ARL3: variants seen among roughly 807,000 people sequenced by gnomAD.
ARL3 encodes ADP-ribosylation factor-like protein 3.
ARL3 carries 9 observed loss-of-function variants against 26.0 expected under a neutral mutation model. The observed-to-expected ratio is 0.35, with a 90% CI of 0.21 to 0.60. The LOEUF is 0.60. Among genes scored for constraint, ARL3 ranks in the 20% least tolerant of loss-of-function variants. ARL3 has a pLI of 0.78. For synonymous variants in ARL3, 71 were observed against 78.4 expected (o/e 0.91, Z 0.50); for missense variants, 158 against 215.7 (o/e 0.73, Z 1.67).
rs1159431863 is a variant in ARL3, at chr10:102,699,473, C to T, written c.164G>A (p.Ser55Asn). ...ITPTQGFNIK[S>N]VQSQGFKLNV... ...CAGTTTAAAACCTTGTGATTGTACA[C>T]TTTTGATGTTGAAACCCTGAAACAG... Residue 55 changes from serine to asparagine, a missense_variant, in exon 3 of 6, where the codon AGT (serine) becomes AAT (asparagine). By Grantham distance (46) the Ser-to-Asn change is conservative. Coordinates refer to ENST00000260746, the MANE Select transcript of ARL3 (RefSeq NM_004311.4). 12 of 1,606,282 alleles carry T rather than the reference C, an allele frequency of 7.5e-6. No individual in the cohort carries two copies. The Admixed American group carries it at 1.7e-4, about 23-fold the overall frequency.
intron 1 of ARL3, among the ~76,000 whole-genome samples, chr10:102,710,847 C>T (rs1368599416): frequency 2.0e-5 from 3 of 152,308 alleles, no homozygotes; most frequent in Admixed American, 6.5e-5. Flanking sequence ...GGACTACAGA[C>T]GTTTTATCTG....
chr10:102,689,864 G>GA (rs1337814806), intron 4 of ARL3, 29 bp downstream of exon 4: 6 of 1,435,570 alleles, frequency 4.2e-6, no homozygotes, highest in Non-Finnish European at 5.8e-6. Flanking sequence ...ATATATATAA[G>GA]AACTTTGATA....
rs1341923934 is a variant in ARL3 at position 102,674,679 on chromosome 10, A to G, written c.*2215T>C. The G allele has an allele frequency of 2.0e-5, 3 of 152,230 alleles. No individual in the cohort carries two copies. The highest frequency in any genetic ancestry group is 4.4e-5 in the Non-Finnish European group (3 of 68,056). The allele number at this position is 152,230 out of a possible 1,614,324, so 9.4% of individuals were successfully genotyped here. A position where few individuals can be genotyped will look rare whatever the true frequency, so the allele number is the denominator to read the frequency against. Reference sequence around the variant, plus strand: ...GCTTTAAAAAGTATTTTGTTTTTAAATGGGAGCTTTCAAACTCTGCCTTTT... The same window carrying G: ...GCTTTAAAAAGTATTTTGTTTTTAAGTGGGAGCTTTCAAACTCTGCCTTTT... On this transcript the variant is annotated 3_prime_UTR_variant, in exon 6 of 6. Transcript: ENST00000260746.
intron 3 of ARL3, among the ~76,000 whole-genome samples, chr10:102,690,295 C>CT (rs34924011): frequency 0.048 from 5,953 of 123,694 alleles, 231 homozygotes; most frequent in African/African-American, 0.092. Flanking sequence ...CACTATTTTC[C>CT]TTTTTTTTTT....
At chr10:102,708,819 G>A (rs2136010526) in intron 1 of ARL3, among the ~76,000 whole-genome samples, 1 of 149,538 alleles carries the variant, frequency 6.7e-6, no homozygotes, top group Admixed American at 6.7e-5. Flanking sequence ...TCATGCCTCT[G>A]CACTCCAGCC....
At chr10:102,710,214 T>C (rs1415160295) in intron 1 of ARL3, among the ~76,000 whole-genome samples, 1 of 152,170 alleles carries the variant, frequency 6.6e-6, no homozygotes, top group African/African-American at 2.4e-5. Flanking sequence ...AGCAAAATGA[T>C]AAATGGCATT....
intron 5 of ARL3, among the ~76,000 whole-genome samples, chr10:102,682,236 C>A (rs1457735299): frequency 6.6e-6 from 1 of 152,146 alleles, no homozygotes; most frequent in East Asian, 1.9e-4. Context: ...GGACAGTGGG[C>A]CTCTTGGCAC....
intron 3 of ARL3, among the ~76,000 whole-genome samples, chr10:102,690,247 C>T (rs1250004089): frequency 1.3e-5 from 2 of 151,586 alleles, no homozygotes; most frequent in African/African-American, 2.4e-5. Flanking sequence ...ACTAGGTCTA[C>T]TCTATTAACC....
chr10:102,676,928 C>T lies in ARL3; in HGVS notation c.515G>A (p.Trp172Ter), dbSNP rs1438703552. ...CTTTGCATTGACATTTTTGCAGACC[C>T]AGTTCATGCCATCCTTTGAGGGAAA... Reference protein sequence around the residue: ...TGEGVQDGMNWVCKNVNAKKK With the variant: ...TGEGVQDGMN The change falls in exon 6 of 6, where the codon TGG becomes TAG. Residue 172 changes from tryptophan to a stop codon, truncating the protein, a stop_gained. Transcript: ENST00000260746. LOFTEE classifies it high-confidence loss of function. The T allele has an allele frequency of 6.2e-7, 1 of 1,614,034 alleles. No homozygotes were observed. The highest frequency in any genetic ancestry group is 1.3e-5 in the African/African-American group (1 of 74,936).
intron 5 of ARL3, among the ~76,000 whole-genome samples, chr10:102,685,314 G>GC (rs2064177721): frequency 6.7e-6 from 1 of 150,056 alleles, no homozygotes; most frequent in South Asian, 2.1e-4. Flanking sequence ...TCAGTACAAA[G>GC]CATGGGGCTT....
chr10:102,693,362 T>G (rs528982637), intron 3 of ARL3, among the ~76,000 whole-genome samples: 190 of 149,082 alleles, frequency 1.3e-3, no homozygotes, highest in African/African-American at 4.2e-3. Context: ...GTATTGTCAG[T>G]TTTTTTTTTA....
rs920002551 is a variant in ARL3, at chr10:102,676,089, T to C, written c.*805A>G. On this transcript the variant is annotated 3_prime_UTR_variant, in exon 6 of 6. Transcript: ENST00000260746. ...TAGCCTGAGCCCTCGATGTGAGAGC[T>C]TTTTAAGGACCTTGTAATTTTTCTG... The C allele has an allele frequency of 1.3e-5, 2 of 152,426 alleles. No individual in the cohort carries two copies. The highest frequency in any genetic ancestry group is 2.9e-5 in the Non-Finnish European group (2 of 68,010). 9.4% of individuals were successfully genotyped at this position (152,426 alleles called of 1,614,324 possible). A position where few individuals can be genotyped will look rare whatever the true frequency, so the allele number is the denominator to read the frequency against.
At chr10:102,690,203 A>T (rs2064209476) in intron 3 of ARL3, among the ~76,000 whole-genome samples, 1 of 152,060 alleles carries the variant, frequency 6.6e-6, no homozygotes, top group Admixed American at 6.6e-5. Context: ...AAATAGCTAC[A>T]TTTAATGGGC....
At chr10:102,690,430 C>T (rs2136000685) in intron 3 of ARL3, among the ~76,000 whole-genome samples, 1 of 151,702 alleles carries the variant, frequency 6.6e-6, no homozygotes, top group Admixed American at 6.6e-5. Context: ...ACTACAGGCA[C>T]ACGCCACCAT....
At chr10:102,699,916 G>A (rs183018467) in intron 2 of ARL3, among the ~76,000 whole-genome samples, 1 of 152,262 alleles carries the variant, frequency 6.6e-6, no homozygotes. Context: ...TAAATTTAAA[G>A]AGGCAAAAGC....
chr10:102,713,752 C>A (rs188692544), intron 1 of ARL3, among the ~76,000 whole-genome samples: 4 of 152,212 alleles, frequency 2.6e-5, no homozygotes, highest in African/African-American at 4.8e-5. Flanking sequence ...TTCCCTACCC[C>A]CCAGGGGCCC....
At chr10:102,690,921 A>G (rs983762737) in intron 3 of ARL3, among the ~76,000 whole-genome samples, 3 of 127,318 alleles carry the variant, frequency 2.4e-5, no homozygotes, top group Non-Finnish European at 3.2e-5. Flanking sequence ...GGGTCTTGCT[A>G]TGTTACCCAG....
In ARL3 at chr10:102,705,390, T is replaced by C. The variant is rs143590315; in HGVS notation, c.103A>G (p.Lys35Glu). The change falls in exon 2 of 6, where the codon AAG becomes GAG. Residue 35 changes from lysine to glutamate, a missense_variant. By Grantham distance (56) the Lys-to-Glu change is moderately conservative (BLOSUM62 1). Coordinates refer to ENST00000260746, the MANE Select transcript of ARL3 (RefSeq NM_004311.4). The stretch of plus-strand genomic sequence containing the variant: ...CTGATGTCTTCAGATGCAAGCTGCT[T>C]CAGAAGAGTGGTCTTGCCAGCATTA... ...LDNAGKTTLL[K>E]QLASEDISHI... 3.1e-6 allele frequency: 5 copies of C among 1,611,554 alleles called. No homozygotes were observed. Among genetic ancestry groups the C allele is most frequent in the Non-Finnish European group, 4.2e-6 (5 of 1,178,652 alleles).
chr10:102,680,496 A>G (rs2064151413), intron 5 of ARL3, among the ~76,000 whole-genome samples: 1 of 152,174 alleles, frequency 6.6e-6, no homozygotes, highest in Admixed American at 6.6e-5. Context: ...CTATGTCACA[A>G]TATTATTCTC....
Sources: allele counts gnomAD v4.1 joint callset (sites outside exome capture counted in the v4.1 genomes callset), GRCh38; gene constraint gnomAD v4.1.1; transcripts MANE v1.5; gene names NCBI Gene and HGNC (gene_info 2026-07-23, HGNC 2026-07-21).